Variants in SRGAP2 observed in about 807,000 individuals in gnomAD.
SRGAP2 encodes SLIT-ROBO Rho GTPase-activating protein 2.
In SRGAP2, 15 loss-of-function variants were observed where a neutral mutation model predicts 57.2. The ratio of observed to expected loss-of-function variants is 0.26; its 90% CI spans 0.18 to 0.40. The LOEUF (loss-of-function observed/expected upper bound fraction) is 0.40, where lower values mean the gene tolerates loss of function less well. Ranked by LOEUF, SRGAP2 falls within the 10% of genes least tolerant of loss-of-function variation. The pLI is 1.00. For missense variants in SRGAP2, 520 were observed against 669.6 expected (o/e 0.78, Z 2.47); for synonymous variants, 249 against 248.0 (o/e 1.00, Z -0.04).
At chr1:206,358,113 G>A (rs1454347337) in intron 4 of SRGAP2, among the ~76,000 whole-genome samples, 60 of 152,080 alleles carry the variant, frequency 3.9e-4, no homozygotes, top group African/African-American at 1.2e-3. Flanking sequence ...TTGTCTTAGA[G>A]CTTAGCTGAG....
intron 2 of SRGAP2, among the ~76,000 whole-genome samples, chr1:206,220,779 G>A (rs1571598755): frequency 6.6e-6 from 1 of 152,086 alleles, no homozygotes; most frequent in South Asian, 2.1e-4. Context: ...GAAGGAGGAG[G>A]CTATTGATGA....
At chr1:206,450,163 T>C (rs1283215554) in intron 18 of SRGAP2, among the ~76,000 whole-genome samples, 4 of 152,238 alleles carry the variant, frequency 2.6e-5, no homozygotes, top group African/African-American at 9.6e-5. Context: ...CTTGAGATAT[T>C]CTAAGTTCCA....
At position 206,415,921 on chromosome 1, in the gene SRGAP2, C is replaced by T. The variant is rs781932984; in HGVS notation, c.1389C>T (p.Leu463=). ...AAGAGTACCTGGAGGGCAGGAACCT[C>T]ATCACCAAGTTACAAGCCAAGCATG... is the stretch of plus-strand genomic sequence containing the variant. The part of the protein sequence containing the change: ...KMKEYLEGRN[L]ITKLQAKHDL... Residue 463 remains leucine, a synonymous_variant, in exon 11 of 23, where the codon CTC becomes CTT. Coordinates refer to ENST00000573034, the MANE Select transcript of SRGAP2 (RefSeq NM_015326.5). 2 of 780,616 alleles carry T rather than the reference C, an allele frequency of 2.6e-6. No individual in the cohort carries two copies. The highest frequency in any genetic ancestry group is 1.3e-5 in the South Asian group (1 of 74,540). 48.4% of individuals were successfully genotyped at this position (780,616 alleles called of 1,614,324 possible).
chr1:206,420,565 G>T (rs1407386074), intron 12 of SRGAP2, among the ~76,000 whole-genome samples: 14 of 152,150 alleles, frequency 9.2e-5, no homozygotes, highest in African/African-American at 3.4e-4. Context: ...TTCCAAAGGG[G>T]TTCCTCAGGA....
intron 2 of SRGAP2, among the ~76,000 whole-genome samples, chr1:206,244,308 G>A (rs1553309761): frequency 1.1e-5 from 1 of 87,876 alleles, no homozygotes; most frequent in Admixed American, 1.1e-4. Context: ...GTCATGCTCC[G>A]TCACCCAGGC....
chr1:206,257,736 A>ATATATATACATATATATATAC (rs1378624722), intron 2 of SRGAP2, among the ~76,000 whole-genome samples: 1 of 117,896 alleles, frequency 8.5e-6, no homozygotes, highest in African/African-American at 3.1e-5. Flanking sequence ...AAAGCAGACT[A>ATATATATACATATATATATAC]TATATATACA....
chr1:206,272,392 C>G (rs2102658497), intron 2 of SRGAP2, among the ~76,000 whole-genome samples: 1 of 150,582 alleles, frequency 6.6e-6, no homozygotes, highest in African/African-American at 2.5e-5. Flanking sequence ...GTGCCTACTG[C>G]TATAAATTAA....
chr1:206,381,289 C>T (rs1655693586), intron 4 of SRGAP2, among the ~76,000 whole-genome samples: 1 of 150,322 alleles, frequency 6.7e-6, no homozygotes, highest in African/African-American at 2.5e-5. Flanking sequence ...TAGGAGCTTT[C>T]TCCTTTAACC....
At chr1:206,451,843 G>T (rs564305998) in intron 19 of SRGAP2, among the ~76,000 whole-genome samples, 3 of 152,330 alleles carry the variant, frequency 2.0e-5, no homozygotes, top group African/African-American at 7.2e-5. Context: ...ACTGAGGTGG[G>T]TATATTTAGA....
chr1:206,429,293 C>A (rs1014921352), intron 13 of SRGAP2, among the ~76,000 whole-genome samples: 3 of 152,186 alleles, frequency 2.0e-5, no homozygotes, highest in African/African-American at 7.2e-5. Flanking sequence ...TTCTATCTTA[C>A]CTTTATACCA....
intron 3 of SRGAP2, among the ~76,000 whole-genome samples, chr1:206,305,829 A>G (rs1251598025): frequency 1.6e-4 from 24 of 151,998 alleles, no homozygotes; most frequent in Non-Finnish European, 5.9e-5. Context: ...GTTGAGGAGA[A>G]CATGACATCT....
intron 8 of SRGAP2, among the ~76,000 whole-genome samples, chr1:206,404,677 A>C (rs1160000341): frequency 6.6e-6 from 1 of 152,168 alleles, no homozygotes; most frequent in Non-Finnish European, 1.5e-5. Context: ...GCTCTTTGGA[A>C]AATGCCAAGC....
chr1:206,273,125 C>G (rs1265903679), intron 2 of SRGAP2, among the ~76,000 whole-genome samples: 2 of 151,990 alleles, frequency 1.3e-5, no homozygotes, highest in Non-Finnish European at 2.9e-5. Context: ...CTTAGAGTAG[C>G]TGGGGGTTGG....
intron 19 of SRGAP2, among the ~76,000 whole-genome samples, chr1:206,451,932 T>C (rs1438288994): frequency 6.6e-6 from 1 of 152,184 alleles, no homozygotes; most frequent in Non-Finnish European, 1.5e-5. Context: ...GCTAGGGCCA[T>C]CTAGGCATGG....
At chr1:206,423,762 C>A (rs535536304) in intron 13 of SRGAP2, among the ~76,000 whole-genome samples, 1 of 150,414 alleles carries the variant, frequency 6.6e-6, no homozygotes, top group East Asian at 2.0e-4. Flanking sequence ...CACAGATTTT[C>A]TGGCCACCTT....
chr1:206,359,832 A>T (rs1179301472), intron 4 of SRGAP2, among the ~76,000 whole-genome samples: 5 of 80,686 alleles, frequency 6.2e-5, no homozygotes, highest in Non-Finnish European at 8.2e-5. Flanking sequence ...TTTGAGACGG[A>T]GTCTCGCTCT....
chr1:206,351,101 G>A (rs563138481), intron 4 of SRGAP2, among the ~76,000 whole-genome samples: 167 of 152,288 alleles, frequency 1.1e-3, no homozygotes, highest in African/African-American at 3.7e-3. Flanking sequence ...TTCCTATGGC[G>A]TGTCTTGAGT....
At chr1:206,418,888 CTGTGTG>C (rs1159940831) in intron 11 of SRGAP2, among the ~76,000 whole-genome samples, 12,783 of 136,530 alleles carry the variant, frequency 0.094, 664 homozygotes, top group Non-Finnish European at 0.11. Context: ...CCAACTCTCT[CTGTGTG>C]TGTGTGTGTG....
At chr1:206,427,837 G>A (rs1447981850) in intron 13 of SRGAP2, among the ~76,000 whole-genome samples, 1 of 152,174 alleles carries the variant, frequency 6.6e-6, no homozygotes, top group Non-Finnish European at 1.5e-5. Context: ...GGCCAGGCAC[G>A]ATGGTTCATA....
Sources: gnomAD v4.1 joint callset for allele counts (sites outside exome capture counted in the v4.1 genomes callset) on GRCh38, gnomAD v4.1.1 for gene constraint, MANE v1.5 for transcripts, NCBI Gene and HGNC (gene_info 2026-07-23, HGNC 2026-07-21) for gene names.